The following SGCZ variants were observed in gnomAD, a reference collection of about 807,000 sequenced individuals.
The protein encoded by SGCZ is zeta-sarcoglycan.
A neutral mutation model predicts 41.3 loss-of-function variants in SGCZ; 40 were observed. The ratio of observed to expected loss-of-function variants is 0.97; its 90% CI spans 0.75 to 1.26. The LOEUF (loss-of-function observed/expected upper bound fraction) is 1.26, where lower values mean the gene tolerates loss of function less well. SGCZ is among the 50% of genes most tolerant of loss of function. SGCZ has a pLI of 0.00. For missense variants in SGCZ, 552 were observed against 369.8 expected (o/e 1.49, Z -4.04); for synonymous variants, 206 against 137.5 (o/e 1.50, Z -3.49).
chr8:14,936,723 T>C (rs1213051851), intron 1 of SGCZ, among the ~76,000 whole-genome samples: 1 of 151,962 alleles, frequency 6.6e-6, no homozygotes, highest in Non-Finnish European at 1.5e-5. Flanking sequence ...ACCACATTAC[T>C]TGGCTTTAAA....
At chr8:15,149,471 ATCT>A (rs1335667220) in intron 1 of SGCZ, among the ~76,000 whole-genome samples, 1 of 152,122 alleles carries the variant, frequency 6.6e-6, no homozygotes, top group Non-Finnish European at 1.5e-5. Context: ...GCACCAAAAA[ATCT>A]TCTGTAGCCC....
At chr8:14,865,435 G>C (rs185789217) in intron 1 of SGCZ, among the ~76,000 whole-genome samples, 1,324 of 129,132 alleles carry the variant, frequency 0.01, 14 homozygotes, top group African/African-American at 0.046. Flanking sequence ...TTCTTGCTCT[G>C]CCCTCAGGAA....
At chr8:15,127,147 C>G (rs948071032) in intron 1 of SGCZ, among the ~76,000 whole-genome samples, 3 of 151,762 alleles carry the variant, frequency 2.0e-5, no homozygotes, top group African/African-American at 7.3e-5. Context: ...TTTTTAAGAA[C>G]TATAGGGTAG....
intron 2 of SGCZ, among the ~76,000 whole-genome samples, chr8:14,550,547 C>T (rs557973958): frequency 1.3e-5 from 2 of 151,968 alleles, no homozygotes; most frequent in East Asian, 3.9e-4. Context: ...TGTACTACTG[C>T]TATGTGTGGG....
chr8:14,917,932 TTAG>T (rs1249278430), intron 1 of SGCZ, among the ~76,000 whole-genome samples: 1 of 152,154 alleles, frequency 6.6e-6, no homozygotes, highest in African/African-American at 2.4e-5. Context: ...CATGTTACCC[TTAG>T]TGGTGTTCTG....
At chr8:14,676,683 C>A (rs943180943) in intron 1 of SGCZ, among the ~76,000 whole-genome samples, 2 of 152,088 alleles carry the variant, frequency 1.3e-5, no homozygotes, top group Non-Finnish European at 2.9e-5. Context: ...AAAGCATGAA[C>A]CTTAAGAAGG....
intron 1 of SGCZ, among the ~76,000 whole-genome samples, chr8:14,666,295 A>T (rs908379514): frequency 6.6e-6 from 1 of 152,130 alleles, no homozygotes; most frequent in South Asian, 2.1e-4. Flanking sequence ...TAATTTTCAC[A>T]TTGCTATTTT....
intron 1 of SGCZ, among the ~76,000 whole-genome samples, chr8:15,084,558 C>G (rs182242158): frequency 6.6e-6 from 1 of 152,094 alleles, no homozygotes; most frequent in South Asian, 2.1e-4. Flanking sequence ...CGAGACCAGC[C>G]TGGTGAACCA....
chr8:14,170,822 G>T (rs946222534), intron 4 of SGCZ, among the ~76,000 whole-genome samples: 3 of 151,926 alleles, frequency 2.0e-5, no homozygotes, highest in African/African-American at 7.2e-5. Context: ...ACAAAAAATG[G>T]CATGTCACAT....
At chr8:14,971,883 C>T (rs1290227812) in intron 1 of SGCZ, among the ~76,000 whole-genome samples, 3 of 151,892 alleles carry the variant, frequency 2.0e-5, no homozygotes, top group East Asian at 3.9e-4. Context: ...CACTTGGTCT[C>T]GTGATCACCC....
chr8:14,511,128 T>C (rs1563376771), intron 2 of SGCZ, among the ~76,000 whole-genome samples: 1 of 151,944 alleles, frequency 6.6e-6, no homozygotes, highest in Non-Finnish European at 1.5e-5. Context: ...TACCCTTACT[T>C]GAGGACTAGT....
intron 2 of SGCZ, among the ~76,000 whole-genome samples, chr8:14,438,478 T>G (rs1240741131): frequency 2.0e-5 from 3 of 151,822 alleles, no homozygotes; most frequent in Non-Finnish European, 4.4e-5. Context: ...AACTGAAGAG[T>G]TCAATAACTG....
At chr8:14,993,423 G>C (rs1802094720) in intron 1 of SGCZ, among the ~76,000 whole-genome samples, 1 of 151,990 alleles carries the variant, frequency 6.6e-6, no homozygotes, top group African/African-American at 2.4e-5. Flanking sequence ...ATAACACAAA[G>C]AAATCATGGG....
At chr8:14,186,859 C>T (rs535706508) in intron 4 of SGCZ, among the ~76,000 whole-genome samples, 1 of 152,204 alleles carries the variant, frequency 6.6e-6, no homozygotes, top group African/African-American at 2.4e-5. Context: ...AGTGAGAGAG[C>T]CAGGCAAAGA....
chr8:14,939,490 G>T (rs1276119025), intron 1 of SGCZ, among the ~76,000 whole-genome samples: 1 of 151,954 alleles, frequency 6.6e-6, no homozygotes, highest in Non-Finnish European at 1.5e-5. Context: ...ATAAAATCAG[G>T]CAGACAACTT....
chr8:15,023,527 T>G (rs7388371), intron 1 of SGCZ, among the ~76,000 whole-genome samples: 1 of 152,134 alleles, frequency 6.6e-6, no homozygotes, highest in Non-Finnish European at 1.5e-5. Context: ...AAAGTATGGG[T>G]CTCAGTCCAC....
Position 14,396,689 on chromosome 8 carries a change from AG to A in SGCZ, c.235-72486del, listed in dbSNP as rs1798929414. ...ATTAAATTCTCCCTTCAAATTCTTC[AG>A]GGGTTTTCTGAGAGCAATTTTCATG... On this transcript the variant is annotated intron_variant, in intron 2 of 7. Transcript: ENST00000382080. 2.0e-5 allele frequency among the ~76,000 whole-genome samples: 3 copies of A among 151,950 alleles called. No homozygotes were observed. In the South Asian group the frequency reaches 6.2e-4, roughly 32 times the overall value.
rs543659722 is a variant in SGCZ, at chr8:14,959,075, G to A, written c.39+278510C>T. On this transcript the variant is annotated intron_variant, in intron 1 of 7. Transcript: ENST00000382080. ...ATACAAACACTAATGCCAACTTACT[G>A]TATAAACATTACCATCAACTACATA... 3.3e-5 allele frequency among the ~76,000 whole-genome samples: 5 copies of A among 152,102 alleles called. No individual in the cohort carries two copies. In the South Asian group the frequency reaches 8.3e-4, roughly 25 times the overall value.
chr8:14,678,177 A>G (rs1808334887), intron 1 of SGCZ, among the ~76,000 whole-genome samples: 2 of 152,270 alleles, frequency 1.3e-5, no homozygotes, highest in Non-Finnish European at 2.9e-5. Context: ...CATGGAACAA[A>G]GAATTAATAA....
Sources: gnomAD v4.1 joint callset for allele counts (sites outside exome capture counted in the v4.1 genomes callset) on GRCh38, gnomAD v4.1.1 for gene constraint, MANE v1.5 for transcripts, NCBI Gene and HGNC (gene_info 2026-07-23, HGNC 2026-07-21) for gene names.